CACNA1A: variants seen among roughly 807,000 people sequenced by gnomAD.
The protein encoded by CACNA1A is calcium voltage-gated channel subunit alpha1 A.
CACNA1A carries 57 observed loss-of-function variants against 262.4 expected under a neutral mutation model. The ratio of observed to expected loss-of-function variants is 0.22; its 90% confidence interval spans 0.18 to 0.27. The LOEUF is 0.27. Among genes scored for constraint, CACNA1A ranks in the 10% least tolerant of loss-of-function variants. The probability of loss-of-function intolerance (pLI) is 1.00; values close to 1 mark genes in which losing one functional copy is unlikely to be tolerated. For synonymous variants in CACNA1A, 1,431 were observed against 1,419.3 expected (o/e 1.01, Z -0.18); for missense variants, 2,526 against 3,562.8 (o/e 0.71, Z 7.41).
chr19:13,417,224 A>T (rs1568625373), intron 3 of CACNA1A, among the ~76,000 whole-genome samples: 1 of 152,198 alleles, frequency 6.6e-6, no homozygotes, highest in Non-Finnish European at 1.5e-5. Context: ...GTCAGCTTGC[A>T]TCCGGAGGGC....
At position 13,212,540 on chromosome 19, in the gene CACNA1A, G is replaced by A. The variant is rs2144525399; in HGVS notation, c.6051-18C>T. On this transcript the variant is annotated intron_variant, in intron 41 of 46. Transcript: ENST00000360228. The surrounding 1 kb of genome is among the most constrained non-coding windows in gnomAD (Gnocchi z 5.6). The stretch of plus-strand genomic sequence containing the variant: ...GAGCCATCCTGCATGGGGGACAGAG[G>A]CCGGGGTAGCAGTGGGCGCTTGGGC... 6.4e-7 allele frequency: 1 copy of A among 1,553,146 alleles called. No homozygotes were observed. The highest frequency in any genetic ancestry group is 8.7e-7 in the Non-Finnish European group (1 of 1,146,288).
chr19:13,423,143 T>A lies in CACNA1A; in HGVS notation c.539+29733A>T, dbSNP rs147725891. ...GCATCTCAAGAGAAAAGCAATTCCC[T>A]CTCTGACGAACTTTCAGATGTCCTA... On this transcript the variant is annotated intron_variant, in intron 3 of 46. Coordinates refer to ENST00000360228, the MANE Select transcript of CACNA1A (RefSeq NM_001127222.2). Among the ~76,000 whole-genome samples the A allele has an allele frequency of 5.6e-4, 86 of 152,312 alleles. No individual in the cohort carries two copies. The East Asian group carries it at 0.014, about 25-fold the overall frequency.
chr19:13,344,833 C>A (rs146628142), intron 6 of CACNA1A, among the ~76,000 whole-genome samples: 157 of 152,228 alleles, frequency 1.0e-3, no homozygotes, highest in African/African-American at 3.7e-3. Flanking sequence ...AGGCTCACTG[C>A]AACCTCTGCC....
intron 3 of CACNA1A, among the ~76,000 whole-genome samples, chr19:13,392,030 CAAA>C (rs137905773): frequency 3.5e-5 from 3 of 84,716 alleles, no homozygotes; most frequent in Admixed American, 1.4e-4. Flanking sequence ...GACCATGTCT[CAAA>C]AAAAAAAAAA....
Position 13,279,417 on chromosome 19 carries a change from G to C in CACNA1A, c.3823-2289C>G, listed in dbSNP as rs549514349. ...CAAATGAAACAGTCGACAGTACCAAGTGTTGACAAGGATGTGGAAGAACAG... is the reference window on the plus strand; with the variant it reads ...CAAATGAAACAGTCGACAGTACCAACTGTTGACAAGGATGTGGAAGAACAG... On this transcript the variant is annotated intron_variant, in intron 22 of 46. Transcript: ENST00000360228. Among the ~76,000 whole-genome samples the C allele has an allele frequency of 2.0e-5, 3 of 152,272 alleles. No individual in the cohort carries two copies. In the East Asian group the frequency reaches 5.8e-4, roughly 29 times the overall value.
At chr19:13,290,913 G>A (rs2057522138) in intron 19 of CACNA1A, among the ~76,000 whole-genome samples, 1 of 152,152 alleles carries the variant, frequency 6.6e-6, no homozygotes, top group Non-Finnish European at 1.5e-5. Flanking sequence ...TCTACCAAGA[G>A]CAGATGGAAA....
At chr19:13,266,194 G>T (rs891823989) in intron 24 of CACNA1A, among the ~76,000 whole-genome samples, 2 of 151,962 alleles carry the variant, frequency 1.3e-5, no homozygotes, top group African/African-American at 2.4e-5. Context: ...AATGCTGGTT[G>T]TAAGTGGATA....
chr19:13,492,388 T>G (rs1448820508), intron 1 of CACNA1A, among the ~76,000 whole-genome samples: 1 of 152,166 alleles, frequency 6.6e-6, no homozygotes, highest in Non-Finnish European at 1.5e-5. Context: ...TTGGTGAAGA[T>G]GTAAAATCAA....
chr19:13,217,485 C>T (rs890353919), intron 38 of CACNA1A, among the ~76,000 whole-genome samples: 2 of 152,208 alleles, frequency 1.3e-5, no homozygotes, highest in African/African-American at 4.8e-5. Flanking sequence ...TGTTATCACT[C>T]TTCCATTGTT....
At chr19:13,474,616 A>C (rs1179272222) in intron 1 of CACNA1A, among the ~76,000 whole-genome samples, 4 of 152,226 alleles carry the variant, frequency 2.6e-5, no homozygotes, top group African/African-American at 9.6e-5. Context: ...CAGGAGTTCG[A>C]GACCAGCCTG....
intron 30 of CACNA1A, 106 bp from the exon 31 acceptor site, chr19:13,245,371 G>C (rs552184108): frequency 2.4e-6 from 2 of 824,342 alleles, no homozygotes; most frequent in East Asian, 5.0e-5. Context: ...TCAGCGGAGT[G>C]CCCGGGACAG....
intron 4 of CACNA1A, among the ~76,000 whole-genome samples, chr19:13,369,630 G>C (rs1186440412): frequency 6.6e-6 from 1 of 152,180 alleles, no homozygotes; most frequent in African/African-American, 2.4e-5. Context: ...TAAGTCATAG[G>C]TGGTCATTAA....
In CACNA1A at chr19:13,506,446, GCAGCTCGGGACAT is replaced by G; in HGVS notation, c.-235_-223del. On this transcript the variant is annotated 5_prime_UTR_variant, in exon 1 of 47. An upstream start codon of the reference 5' UTR is lost. Transcript: ENST00000360228. ...GGCTGCCCGGGCCGAGCCGGGGATA[GCAGCTCGGGACAT>G]CTTCCTGGCTGACCCCGGAGAAGGA... is the stretch of plus-strand genomic sequence containing the variant. The G allele has an allele frequency of 2.7e-6, 1 of 368,800 alleles. No homozygotes were observed. The allele number at this position is 368,800 out of a possible 1,614,324, so 22.8% of individuals were successfully genotyped here.
intron 1 of CACNA1A, among the ~76,000 whole-genome samples, chr19:13,492,194 T>C (rs555242181): frequency 4.6e-4 from 70 of 152,230 alleles, no homozygotes; most frequent in African/African-American, 1.5e-3. Context: ...CACAGAGCCA[T>C]GACATGCCTC....
At chr19:13,477,706 G>A (rs971505930) in intron 1 of CACNA1A, among the ~76,000 whole-genome samples, 29 of 152,212 alleles carry the variant, frequency 1.9e-4, no homozygotes, top group African/African-American at 6.5e-4. Context: ...GCTGTATCTG[G>A]TTCAGTTGTT....
At chr19:13,220,812 G>C (rs1452292683) in intron 38 of CACNA1A, among the ~76,000 whole-genome samples, 1 of 152,118 alleles carries the variant, frequency 6.6e-6, no homozygotes, top group Admixed American at 6.6e-5. Flanking sequence ...TTTCTGTAGA[G>C]ATGGGGTCTC....
chr19:13,432,742 C>CA (rs1419254963), intron 3 of CACNA1A, among the ~76,000 whole-genome samples: 2 of 151,166 alleles, frequency 1.3e-5, no homozygotes, highest in Non-Finnish European at 2.9e-5. Flanking sequence ...GTTCTCACCA[C>CA]AAAAAATAAG....
chr19:13,359,934 C>T lies in CACNA1A; in HGVS notation c.785-135G>A, dbSNP rs113591215. 3 of 459,778 alleles carry T rather than the reference C, an allele frequency of 6.5e-6. No individual in the cohort carries two copies. In the South Asian group the frequency reaches 2.5e-4, roughly 38 times the overall value. 28.5% of individuals were successfully genotyped at this position (459,778 alleles called of 1,614,324 possible). A position where few individuals can be genotyped will look rare whatever the true frequency, so the allele number is the denominator to read the frequency against. On this transcript the variant is annotated intron_variant, in intron 5 of 46. Coordinates refer to ENST00000360228, the MANE Select transcript of CACNA1A (RefSeq NM_001127222.2). ...AAACGTGATCAGTCTTCAAAGAGAT[C>T]AATGTTTGGCTTTGGGGGTCTATTA... is the stretch of plus-strand genomic sequence containing the variant.
At chr19:13,247,642 G>A (rs1380940614) in intron 30 of CACNA1A, among the ~76,000 whole-genome samples, 1 of 142,670 alleles carries the variant, frequency 7.0e-6, no homozygotes, top group African/African-American at 2.6e-5. Flanking sequence ...AGAGCTTGCA[G>A]TGAGCAGAGA....
Sources: gnomAD v4.1 joint callset for allele counts (sites outside exome capture counted in the v4.1 genomes callset) on GRCh38, gnomAD v4.1.1 for gene constraint, Gnocchi (gnomAD v3.1) non-coding constraint, MANE v1.5 for transcripts, NCBI Gene and HGNC (gene_info 2026-07-23, HGNC 2026-07-21) for gene names.